The following MIPEP variants were observed in gnomAD, a reference collection of about 807,000 sequenced individuals.
MIPEP encodes mitochondrial intermediate peptidase.
MIPEP carries 79 observed loss-of-function variants against 90.3 expected under a neutral mutation model. That is an observed-to-expected ratio of 0.87 (90% CI 0.73 to 1.05). The LOEUF is 1.05. Among genes scored for constraint, MIPEP ranks in the 50% least tolerant of loss-of-function variants. MIPEP has a pLI of 0.00. For synonymous variants in MIPEP, 334 were observed against 315.8 expected (o/e 1.06, Z -0.61); for missense variants, 940 against 905.6 (o/e 1.04, Z -0.49).
intron 16 of MIPEP, among the ~76,000 whole-genome samples, chr13:23,794,048 T>C (rs1356835540): frequency 6.6e-6 from 1 of 152,170 alleles, no homozygotes; most frequent in Non-Finnish European, 1.5e-5. Context: ...GAGAGTTGTA[T>C]AGCAGATACT....
At chr13:23,744,911 G>C (rs1952367547) in intron 18 of MIPEP, among the ~76,000 whole-genome samples, 1 of 152,174 alleles carries the variant, frequency 6.6e-6, no homozygotes, top group Non-Finnish European at 1.5e-5. Flanking sequence ...AATAAATCTA[G>C]TGTTGAAATT....
intron 10 of MIPEP, among the ~76,000 whole-genome samples, chr13:23,844,349 A>C (rs1373825068): frequency 6.6e-6 from 1 of 152,170 alleles, no homozygotes; most frequent in Non-Finnish European, 1.5e-5. Context: ...CCTGCACATG[A>C]GGAGGTTGAA....
Position 23,806,029 on chromosome 13 carries a change from T to C in MIPEP, c.1769A>G (p.His590Arg). 9 of 1,613,502 alleles carry C rather than the reference T, an allele frequency of 5.6e-6. No homozygotes were observed. Among genetic ancestry groups the C allele is most frequent in the Non-Finnish European group, 7.6e-6 (9 of 1,179,458 alleles). ...ATLDQIYHGK[H>R]PLRNSTTDIL... ...GTCTGTGGTTGAATTCCTCAGGGGA[T>C]GCTTCCCATGGTAGATTTGATCCAG... The change falls in exon 16 of 19, where the codon CAT becomes CGT. Residue 590 changes from histidine to arginine, a missense_variant. His to Arg is a conservative substitution (Grantham distance 29). Coordinates refer to ENST00000382172, the MANE Select transcript of MIPEP (RefSeq NM_005932.4).
chr13:23,881,852 G>A (rs1251886363), intron 2 of MIPEP, 65 bp from the exon 3 acceptor site: 12 of 1,317,490 alleles, frequency 9.1e-6, no homozygotes, highest in Admixed American at 5.5e-5. Context: ...AGGATCTGAG[G>A]GTGAAAATGA....
chr13:23,860,099 AG>A lies in MIPEP; in HGVS notation c.1054-1188del, dbSNP rs1438182783. On this transcript the variant is annotated intron_variant, in intron 9 of 18. Coordinates refer to ENST00000382172, the MANE Select transcript of MIPEP (RefSeq NM_005932.4). ...AATCAGACAAAAACAAGAGGATGAT[AG>A]CCTAGGCAGTAGAAGGGCAAGTGAC... 4.6e-5 allele frequency among the ~76,000 whole-genome samples: 7 copies of A among 152,240 alleles called. 1 individual carries two copies. The highest frequency in any genetic ancestry group is 1.4e-4 in the African/African-American group (6 of 41,472).
At chr13:23,874,772 G>A (rs912391472) in intron 5 of MIPEP, 74 bp downstream of exon 5, 3 of 1,260,728 alleles carry the variant, frequency 2.4e-6, no homozygotes, top group African/African-American at 3.1e-5. Flanking sequence ...ATATATACAA[G>A]GACTGTAGCA....
chr13:23,826,911 A>G (rs191658522), intron 14 of MIPEP, among the ~76,000 whole-genome samples: 2 of 152,326 alleles, frequency 1.3e-5, no homozygotes, highest in African/African-American at 4.8e-5. Flanking sequence ...AAATATTTGG[A>G]AAAAAACTGC....
At chr13:23,784,585 C>T (rs1952817276) in intron 16 of MIPEP, among the ~76,000 whole-genome samples, 1 of 152,068 alleles carries the variant, frequency 6.6e-6, no homozygotes, top group African/African-American at 2.4e-5. Flanking sequence ...TGGGCAAGGA[C>T]TTCATGTCTA....
chr13:23,791,187 C>T (rs1455678863), intron 16 of MIPEP, among the ~76,000 whole-genome samples: 1 of 152,168 alleles, frequency 6.6e-6, no homozygotes, highest in South Asian at 2.1e-4. Context: ...CCATGGCCTG[C>T]TCTTGGACTA....
intron 14 of MIPEP, among the ~76,000 whole-genome samples, chr13:23,825,384 C>T (rs1953355185): frequency 6.6e-6 from 1 of 152,198 alleles, no homozygotes; most frequent in Non-Finnish European, 1.5e-5. Context: ...GTATGTATGT[C>T]TCCTTGAAGA....
At chr13:23,760,309 C>A in intron 16 of MIPEP, 92 bp from the exon 17 acceptor site, 2 of 1,535,552 alleles carry the variant, frequency 1.3e-6, no homozygotes, top group Non-Finnish European at 1.8e-6. Flanking sequence ...CACAGAGAGA[C>A]CCGTAAATGC....
chr13:23,856,814 G>T (rs1040737131), intron 10 of MIPEP, among the ~76,000 whole-genome samples: 5 of 152,044 alleles, frequency 3.3e-5, no homozygotes, highest in Admixed American at 3.3e-4. Flanking sequence ...ACAGAGTATA[G>T]TTAGTGAAAA....
At chr13:23,760,503 C>T (rs761970253) in intron 16 of MIPEP, 2 of 605,052 alleles carry the variant, frequency 3.3e-6, no homozygotes, top group Non-Finnish European at 6.5e-6. Flanking sequence ...AAAAGTGAAG[C>T]TCTTAGACTG....
chr13:23,792,311 T>G (rs919603859), intron 16 of MIPEP, among the ~76,000 whole-genome samples: 18 of 152,240 alleles, frequency 1.2e-4, no homozygotes, highest in African/African-American at 4.1e-4. Flanking sequence ...CTTTTCTGGT[T>G]TGTTTAGTAG....
At chr13:23,768,917 T>C (rs1952620849) in intron 16 of MIPEP, among the ~76,000 whole-genome samples, 1 of 152,192 alleles carries the variant, frequency 6.6e-6, no homozygotes, top group South Asian at 2.1e-4. Context: ...GCAAATCTAC[T>C]AGCAGAGCAG....
At chr13:23,802,279 T>G (rs974152859) in intron 16 of MIPEP, among the ~76,000 whole-genome samples, 5 of 152,202 alleles carry the variant, frequency 3.3e-5, no homozygotes, top group Admixed American at 6.5e-5. Flanking sequence ...TTTAAAAATA[T>G]AACCTTTTCC....
chr13:23,745,483 T>C (rs1952372644), intron 18 of MIPEP, among the ~76,000 whole-genome samples: 1 of 152,200 alleles, frequency 6.6e-6, no homozygotes, highest in African/African-American at 2.4e-5. Flanking sequence ...ATTCTTCAAC[T>C]AAAATCTGCT....
intron 9 of MIPEP, among the ~76,000 whole-genome samples, chr13:23,859,581 A>T (rs1346517975): frequency 6.6e-6 from 1 of 152,160 alleles, no homozygotes; most frequent in Non-Finnish European, 1.5e-5. Context: ...TCAAGTTTCC[A>T]ATCCATACCA....
intron 16 of MIPEP, among the ~76,000 whole-genome samples, chr13:23,767,799 A>G (rs1952606475): frequency 6.6e-6 from 1 of 152,170 alleles, no homozygotes; most frequent in Admixed American, 6.5e-5. Flanking sequence ...TTACTAGCTT[A>G]TATTTTATAA....
Sources: gnomAD v4.1 joint callset for allele counts (sites outside exome capture counted in the v4.1 genomes callset) on GRCh38, gnomAD v4.1.1 for gene constraint, MANE v1.5 for transcripts, NCBI Gene and HGNC (gene_info 2026-07-23, HGNC 2026-07-21) for gene names.